EPS8L3: variants seen among roughly 807,000 people sequenced by gnomAD.
The protein encoded by EPS8L3 is EPS8 signaling adaptor L3, also known as epidermal growth factor receptor kinase substrate 8-like protein 3.
A neutral mutation model predicts 88.5 loss-of-function variants in EPS8L3; 80 were observed. The ratio of observed to expected loss-of-function variants is 0.90; its 90% CI spans 0.75 to 1.09. The LOEUF is 1.09. Ranked by LOEUF, EPS8L3 falls within the 50% of genes least tolerant of loss-of-function variation. The pLI, the probability that EPS8L3 is intolerant of heterozygous loss-of-function variation, is 0.00. For missense variants in EPS8L3, 721 were observed against 735.2 expected (o/e 0.98, Z 0.22); for synonymous variants, 286 against 291.0 (o/e 0.98, Z 0.18).
intron 10 of EPS8L3, 107 bp from the exon 11 acceptor site, chr1:109,757,662 G>T: frequency 7.1e-7 from 1 of 1,401,728 alleles, no homozygotes; most frequent in Non-Finnish European, 1.0e-6. Flanking sequence ...CTTCCCAAAA[G>T]TCCCAAGAGG....
At position 109,757,498 on chromosome 1, in the gene EPS8L3, A is replaced by C; in HGVS notation, c.952T>G (p.Phe318Val). The C allele has an allele frequency of 1.2e-6, 2 of 1,614,100 alleles. No individual in the cohort carries two copies. The highest frequency in any genetic ancestry group is 1.7e-6 in the Non-Finnish European group (2 of 1,180,000). The change falls in exon 11 of 19, where the codon TTC (phenylalanine) becomes GTC (valine). Residue 318 changes from phenylalanine (F) to valine (V), a missense_variant. Transcript: ENST00000361965. ...TGACTCACGAAGTTCAGGGACTTGA[A>C]GAGGATGTGTACGAGCTCAGGGGCA... ...TSAPELVHIL[F>V]KSLNFILARC...
At position 109,750,733 on chromosome 1, in the gene EPS8L3, TC is replaced by T. The variant is rs768359707; in HGVS notation, c.1696del (p.Glu566SerfsTer26). On this transcript the variant is annotated frameshift_variant, in exon 18 of 19. Coordinates refer to ENST00000361965, the MANE Select transcript of EPS8L3 (RefSeq NM_133181.4). LOFTEE classifies it high-confidence loss of function. ...CTCCTGTGGACATAGCATCTGTAGC[TC>T]CCCAGGTCTTATGCGAAGTAGCTGG... The part of the protein sequence containing the change: ...GSQLLRIRPG[E>X]LQMLCPQEAP... The T allele has an allele frequency of 9.9e-6, 16 of 1,614,034 alleles. No individual in the cohort carries two copies. In the East Asian group the frequency reaches 2.5e-4, roughly 25 times the overall value.
Position 109,757,933 on chromosome 1 carries a change from T to A in EPS8L3, c.832+11A>T, listed in dbSNP as rs1234185665. 1.2e-6 allele frequency: 2 copies of A among 1,613,884 alleles called. No homozygotes were observed. The highest frequency in any genetic ancestry group is 2.7e-5 in the African/African-American group (2 of 75,038). On this transcript the variant is annotated intron_variant, in intron 9 of 18. Transcript: ENST00000361965. ...CACCCCTACTCCTCTTCCCTGGCCC[T>A]CAGTACTCACCTCCCTGGTCCTTGT...
Position 109,761,755 on chromosome 1 carries a change from C to T in EPS8L3, c.-6G>A, listed in dbSNP as rs201060623. The T allele has an allele frequency of 1.7e-4, 271 of 1,613,962 alleles. 2 individuals are homozygous for T. In the East Asian group the frequency reaches 4.1e-3, roughly 24 times the overall value. On this transcript the variant is annotated 5_prime_UTR_variant, in exon 2 of 19. Transcript: ENST00000361965. ...CTGCTGCTGGGCCTTGACATGTTGA[C>T]GCTGCTGAGGACGGCTCCCTAGAAC...
intron 12 of EPS8L3, among the ~76,000 whole-genome samples, chr1:109,755,095 A>G (rs1037298436): frequency 1.3e-5 from 2 of 152,262 alleles, no homozygotes; most frequent in Admixed American, 6.5e-5. Flanking sequence ...AGATGAATGA[A>G]TCGTGAAGAC....
chr1:109,755,564 G>A (rs1650206017), intron 12 of EPS8L3, among the ~76,000 whole-genome samples: 1 of 152,194 alleles, frequency 6.6e-6, no homozygotes, highest in Admixed American at 6.5e-5. Flanking sequence ...CAGCACTTTG[G>A]GAAGCCGAGG....
In EPS8L3 at chr1:109,758,597, G is replaced by T; in HGVS notation, c.528C>A (p.Leu176=). ...RWRGPAMERP[L]PMEQARYLEP... is the part of the protein sequence containing the mutation. ...CCAGATAGCGTGCCTGCTCCATAGG[G>T]AGCGGCCTTTCCATAGCAGGCCCCC... is the stretch of plus-strand genomic sequence containing the variant. The change falls in exon 7 of 19, where the codon CTC becomes CTA. Residue 176 remains leucine, a synonymous_variant. Transcript: ENST00000361965. 1 of 1,613,244 alleles carries T rather than the reference G, an allele frequency of 6.2e-7. No individual in the cohort carries two copies. The highest frequency in any genetic ancestry group is 1.1e-5 in the South Asian group (1 of 90,946).
intron 1 of EPS8L3, among the ~76,000 whole-genome samples, chr1:109,763,599 G>A (rs1434639054): frequency 6.6e-6 from 1 of 152,148 alleles, no homozygotes. Context: ...TAGACCCTGG[G>A]GCAAGCATCC....
Position 109,759,361 on chromosome 1 carries a change from G to C in EPS8L3, c.282C>G (p.Asp94Glu), listed in dbSNP as rs79394341. ...TKEELDSYRL[D>E]SIQAMNVALN... is the part of the protein sequence containing the mutation. ...GCGCCACATTCATGGCCTGGATGCT[G>C]TCTAGGCGGTAAGAGTCCAGCTCCT... The change falls in exon 5 of 19, where the codon GAC (aspartate) becomes GAG (glutamate). Residue 94 changes from aspartate to glutamate, a missense_variant. Transcript: ENST00000361965. This position sits in a 1 kb window ranked among gnomAD's most constrained non-coding sequence, Gnocchi z 4.2. 700 of 1,613,608 alleles carry C rather than the reference G, an allele frequency of 4.3e-4. 4 individuals carry two copies. The African/African-American group carries it at 5.8e-3, about 13-fold the overall frequency.
intron 17 of EPS8L3, 89 bp downstream of exon 17, chr1:109,751,189 G>A: frequency 8.6e-7 from 1 of 1,158,162 alleles, no homozygotes; most frequent in Admixed American, 2.0e-5. Context: ...TACAATGTAG[G>A]CCAGGTTGTA....
chr1:109,762,338 A>G (rs776510150), intron 1 of EPS8L3, among the ~76,000 whole-genome samples: 5 of 151,940 alleles, frequency 3.3e-5, no homozygotes, highest in African/African-American at 9.7e-5. Flanking sequence ...ACCTCCCCCA[A>G]GTGTCTCCCT....
intron 1 of EPS8L3, among the ~76,000 whole-genome samples, chr1:109,762,830 G>A (rs7534019): frequency 0.24 from 35,930 of 152,106 alleles, 4,434 homozygotes; most frequent in African/African-American, 0.29. Context: ...TGCAAGCTTC[G>A]TGTTTTAATG....
At position 109,750,789 on chromosome 1, in the gene EPS8L3, C is replaced by G. The variant is rs78913883; in HGVS notation, c.1641G>C (p.Thr547=). The change falls in exon 18 of 19, where the codon ACG becomes ACC. Residue 547 remains threonine, a synonymous_variant. Transcript: ENST00000361965. Reference sequence around the variant, plus strand: ...CCGTCAGGGACCCAAGTGTCCTCACCGTGCTGTGAACAAAACAGCAAAAGC... The same window carrying G: ...CCGTCAGGGACCCAAGTGTCCTCACGGTGCTGTGAACAAAACAGCAAAAGC... ...WLQAENFSTA[T]VRTLGSLTGS... is the part of the protein sequence containing the mutation. The G allele has an allele frequency of 6.2e-7, 1 of 1,614,164 alleles. No individual in the cohort carries two copies.
Position 109,757,032 on chromosome 1 carries a change from G to T in EPS8L3, c.1103C>A (p.Ala368Asp). ...ESNLWMGLGP[A>D]WTTSRADWTG... ...CTTCACTCACCGGCTAGTGGTCCAG[G>T]CTGGGCCCAACCCCATCCAAAGGTT... is the stretch of plus-strand genomic sequence containing the variant. The change falls in exon 12 of 19, where the codon GCC (alanine) becomes GAC (aspartate). Residue 368 changes from alanine (A) to aspartate (D), a missense_variant. Transcript: ENST00000361965. The T allele has an allele frequency of 6.2e-7, 1 of 1,614,210 alleles. No homozygotes were observed. The highest frequency in any genetic ancestry group is 8.5e-7 in the Non-Finnish European group (1 of 1,180,036).
At chr1:109,761,264 A>C in intron 3 of EPS8L3, 1 of 503,372 alleles carries the variant, frequency 2.0e-6, no homozygotes, top group Non-Finnish European at 3.6e-6. Flanking sequence ...TCACCCGCTC[A>C]ACCTCCAGCC....
Position 109,759,634 on chromosome 1 carries a change from C to T in EPS8L3, c.255+44G>A, listed in dbSNP as rs760339532. 4.4e-6 allele frequency: 7 copies of T among 1,600,692 alleles called. No homozygotes were observed. Among genetic ancestry groups the T allele is most frequent in the South Asian group, 1.1e-5 (1 of 88,976 alleles). ...GTTCAAGAGCTAGTGCTTGCTTCCC[C>T]ACAGCCCAGGCTGGCTATCACTGGG... On this transcript the variant is annotated intron_variant, in intron 4 of 18. Transcript: ENST00000361965. The surrounding 1 kb of genome is among the most constrained non-coding windows in gnomAD (Gnocchi z 4.2).
chr1:109,761,934 G>A (rs1279950754), intron 1 of EPS8L3, among the ~76,000 whole-genome samples, 161 bp from the exon 2 acceptor site: 8 of 152,164 alleles, frequency 5.3e-5, no homozygotes, highest in Non-Finnish European at 8.8e-5. Context: ...TGCAGCCAGC[G>A]TCCTCCACTG....
chr1:109,759,393 C>A lies in EPS8L3; in HGVS notation c.256-6G>T. On this transcript the variant is annotated splice_region_variant and splice_polypyrimidine_tract_variant and intron_variant, in intron 4 of 18. Transcript: ENST00000361965. This position sits in a 1 kb window ranked among gnomAD's most constrained non-coding sequence, Gnocchi z 4.2. ...CGGTAAGAGTCCAGCTCCTCCTGGG[C>A]CAGGTGGAGAGGTCAACTGTGAGGC... The A allele has an allele frequency of 6.2e-7, 1 of 1,612,750 alleles. No homozygotes were observed. The highest frequency in any genetic ancestry group is 1.1e-5 in the South Asian group (1 of 90,792).
chr1:109,760,033 G>A (rs1172415777), intron 3 of EPS8L3, 197 bp from the exon 4 acceptor site: 3 of 600,278 alleles, frequency 5.0e-6, no homozygotes, highest in Non-Finnish European at 8.7e-6. Context: ...CCAGGGATAG[G>A]GCCTCCAAGT....
Sources: gnomAD v4.1 joint callset for allele counts (sites outside exome capture counted in the v4.1 genomes callset) on GRCh38, gnomAD v4.1.1 for gene constraint, Gnocchi (gnomAD v3.1) non-coding constraint, MANE v1.5 for transcripts, NCBI Gene and HGNC (gene_info 2026-07-23, HGNC 2026-07-21) for gene names.